The following LRRC4C variants were observed in gnomAD, a reference collection of about 807,000 sequenced individuals.
The protein encoded by LRRC4C is leucine-rich repeat-containing protein 4C.
In LRRC4C, 5 loss-of-function variants were observed where a neutral mutation model predicts 33.6. The observed-to-expected ratio is 0.15, with a 90% CI of 0.08 to 0.31. LRRC4C has a LOEUF of 0.31. Ranked by LOEUF, LRRC4C falls within the 10% of genes least tolerant of loss-of-function variation. The pLI is 1.00. For synonymous variants in LRRC4C, 329 were observed against 302.0 expected, an observed-to-expected ratio of 1.09 and a Z score of -0.93; for missense variants, 560 against 796.7, an observed-to-expected ratio of 0.70 and a Z score of 3.58.
At chr11:41,442,691 G>A (rs553901559) in intron 1 of LRRC4C, among the ~76,000 whole-genome samples, 2 of 151,680 alleles carry the variant, frequency 1.3e-5, no homozygotes, top group African/African-American at 2.4e-5. Context: ...GGATGGTCTC[G>A]ATCTCCTGAC....
At chr11:41,444,069 G>A (rs911928294) in intron 1 of LRRC4C, among the ~76,000 whole-genome samples, 3 of 152,102 alleles carry the variant, frequency 2.0e-5, no homozygotes, top group African/African-American at 7.2e-5. Context: ...TTCCACAGAT[G>A]CGAAGGAATT....
At chr11:41,214,660 G>A (rs923546583) in intron 1 of LRRC4C, among the ~76,000 whole-genome samples, 7 of 147,652 alleles carry the variant, frequency 4.7e-5, no homozygotes, top group Non-Finnish European at 1.0e-4. Flanking sequence ...TGAGGCAGGA[G>A]AATGGCTTAA....
intron 1 of LRRC4C, among the ~76,000 whole-genome samples, chr11:41,432,207 A>G (rs1030437056): frequency 6.6e-6 from 1 of 152,198 alleles, no homozygotes; most frequent in African/African-American, 2.4e-5. Context: ...TTGCTTCAGG[A>G]TTCTTGCTTT....
intron 2 of LRRC4C, among the ~76,000 whole-genome samples, chr11:40,773,879 T>C (rs1330915955): frequency 1.3e-5 from 2 of 152,030 alleles, no homozygotes; most frequent in Non-Finnish European, 2.9e-5. Context: ...AAAATAAAAT[T>C]AACCATTTCA....
chr11:40,159,367 C>A (rs1428782196), intron 5 of LRRC4C, among the ~76,000 whole-genome samples: 1 of 152,150 alleles, frequency 6.6e-6, no homozygotes, highest in Non-Finnish European at 1.5e-5. Context: ...TCTCAGCGAT[C>A]TCATTAGCAG....
At chr11:41,115,149 CTTT>C (rs34472505) in intron 1 of LRRC4C, among the ~76,000 whole-genome samples, 3 of 151,918 alleles carry the variant, frequency 2.0e-5, no homozygotes, top group African/African-American at 7.2e-5. Flanking sequence ...AGCTAAGTAA[CTTT>C]TTCAGAAAGA....
intron 2 of LRRC4C, among the ~76,000 whole-genome samples, chr11:40,889,952 G>C (rs1955628022): frequency 6.6e-6 from 1 of 152,102 alleles, no homozygotes; most frequent in Non-Finnish European, 1.5e-5. Context: ...ATACAGCACA[G>C]AACATACTAC....
chr11:40,967,586 C>T (rs1851451292), intron 1 of LRRC4C, among the ~76,000 whole-genome samples: 1 of 151,946 alleles, frequency 6.6e-6, no homozygotes, highest in African/African-American at 2.4e-5. Context: ...CAAATGTTTT[C>T]ATTCTTATTA....
chr11:41,188,705 C>CAAA (rs10559968), intron 1 of LRRC4C, among the ~76,000 whole-genome samples: 4 of 111,152 alleles, frequency 3.6e-5, no homozygotes, highest in African/African-American at 1.5e-4. Context: ...GAAAAAGAAG[C>CAAA]AAAAAAAAAA....
chr11:40,306,524 T>C (rs1343911319), intron 4 of LRRC4C, among the ~76,000 whole-genome samples: 1 of 152,178 alleles, frequency 6.6e-6, no homozygotes, highest in Non-Finnish European at 1.5e-5. Flanking sequence ...ATGTGTCCCT[T>C]CCTTTACACT....
intron 2 of LRRC4C, among the ~76,000 whole-genome samples, chr11:40,890,427 A>G (rs975870553): frequency 1.3e-5 from 2 of 152,172 alleles, no homozygotes; most frequent in Non-Finnish European, 2.9e-5. Context: ...CAGTAACAAC[A>G]GTAATCCACT....
intron 4 of LRRC4C, among the ~76,000 whole-genome samples, chr11:40,294,371 A>G (rs1010911957): frequency 6.6e-6 from 1 of 152,076 alleles, no homozygotes; most frequent in Non-Finnish European, 1.5e-5. Context: ...GCCTGTTTTC[A>G]TCCAGAAATC....
intron 3 of LRRC4C, among the ~76,000 whole-genome samples, chr11:40,501,837 G>A (rs1954789999): frequency 2.0e-5 from 3 of 152,172 alleles, no homozygotes; most frequent in South Asian, 4.1e-4. Context: ...TTCTGCAGCA[G>A]GCTTGAATTT....
At chr11:40,207,205 G>A (rs980464643) in intron 5 of LRRC4C, among the ~76,000 whole-genome samples, 4 of 152,110 alleles carry the variant, frequency 2.6e-5, no homozygotes, top group African/African-American at 4.8e-5. Flanking sequence ...AAATGGATTC[G>A]TTTGGAGGTA....
chr11:40,665,917 A>T (rs1416958104), intron 2 of LRRC4C, among the ~76,000 whole-genome samples: 2 of 152,122 alleles, frequency 1.3e-5, no homozygotes, highest in Non-Finnish European at 2.9e-5. Flanking sequence ...AATGTTATTT[A>T]TGTATATACA....
chr11:40,168,237 T>C (rs1023160969), intron 5 of LRRC4C, among the ~76,000 whole-genome samples: 1 of 152,168 alleles, frequency 6.6e-6, no homozygotes, highest in Admixed American at 6.5e-5. Flanking sequence ...GAAGAAGGTC[T>C]GTTCAGAGGG....
intron 6 of LRRC4C, among the ~76,000 whole-genome samples, chr11:40,125,650 T>G (rs1168102532): frequency 6.6e-6 from 1 of 152,134 alleles, no homozygotes; most frequent in African/African-American, 2.4e-5. Context: ...ATGAGACCTT[T>G]CAAAGGAAAC....
intron 3 of LRRC4C, among the ~76,000 whole-genome samples, chr11:40,441,624 G>T (rs1273521535): frequency 6.6e-6 from 1 of 152,134 alleles, no homozygotes; most frequent in African/African-American, 2.4e-5. Flanking sequence ...TGTTAGAATG[G>T]AACATGAAAT....
chr11:40,205,311 A>G (rs1306892593), intron 5 of LRRC4C, among the ~76,000 whole-genome samples: 1 of 152,224 alleles, frequency 6.6e-6, no homozygotes, highest in Non-Finnish European at 1.5e-5. Flanking sequence ...TGAATTACAA[A>G]TGCATTCAGC....
Sources: allele counts gnomAD v4.1 joint callset (sites outside exome capture counted in the v4.1 genomes callset), GRCh38; gene constraint gnomAD v4.1.1; transcripts MANE v1.5; gene names NCBI Gene and HGNC (gene_info 2026-07-23, HGNC 2026-07-21).